Variants in EPHB1 observed in about 807,000 individuals in gnomAD.
EPHB1 encodes the protein ephrin type-B receptor 1.
EPHB1 carries 30 observed loss-of-function variants against 94.4 expected under a neutral mutation model. That is an observed-to-expected ratio of 0.32 (90% CI 0.24 to 0.43). The LOEUF (loss-of-function observed/expected upper bound fraction) is 0.43, where lower values mean the gene tolerates loss of function less well. Among genes scored for constraint, EPHB1 ranks in the 20% least tolerant of loss-of-function variants. The pLI, the probability that EPHB1 is intolerant of heterozygous loss-of-function variation, is 1.00. For missense variants in EPHB1, 1,055 were observed against 1,308.3 expected, an observed-to-expected ratio of 0.81 and a Z score of 2.99; for synonymous variants, 522 against 489.1, an observed-to-expected ratio of 1.07 and a Z score of -0.89.
intron 3 of EPHB1, among the ~76,000 whole-genome samples, chr3:135,068,884 G>A (rs542356086): frequency 2.0e-5 from 3 of 151,456 alleles, no homozygotes; most frequent in African/African-American, 4.8e-5. Flanking sequence ...TCCTGACCTC[G>A]TGATCTGCCC....
intron 3 of EPHB1, among the ~76,000 whole-genome samples, chr3:135,052,168 G>A (rs1937187556): frequency 6.6e-6 from 1 of 152,200 alleles, no homozygotes; most frequent in Admixed American, 6.6e-5. Flanking sequence ...GCCTTGGTCA[G>A]AGCAGATATC....
chr3:134,963,452 C>T (rs936325), intron 3 of EPHB1, among the ~76,000 whole-genome samples: 2 of 151,842 alleles, frequency 1.3e-5, no homozygotes, highest in African/African-American at 2.4e-5. Context: ...TGGTTATAAC[C>T]TGGGTATGGA....
intron 1 of EPHB1, among the ~76,000 whole-genome samples, chr3:134,817,547 T>G (rs574795325): frequency 5.9e-5 from 9 of 152,242 alleles, no homozygotes; most frequent in Non-Finnish European, 1.2e-4. Flanking sequence ...GAGGCTGCTA[T>G]TGGGAGTCAG....
chr3:134,924,350 A>C (rs1161178401), intron 1 of EPHB1, among the ~76,000 whole-genome samples: 1 of 152,252 alleles, frequency 6.6e-6, no homozygotes, highest in African/African-American at 2.4e-5. Flanking sequence ...ATATATCTGA[A>C]AAAGGAGTTG....
chr3:135,042,804 A>G lies in EPHB1; in HGVS notation c.806-63644A>G, dbSNP rs557229861. On this transcript the variant is annotated intron_variant, in intron 3 of 15. Coordinates refer to ENST00000398015, the MANE Select transcript of EPHB1 (RefSeq NM_004441.5). ...GAAAATTCTCGTGACTCATACTCTA[A>G]GACCTCTTCCTAAAACATGTATGTA... 1.6e-4 allele frequency among the ~76,000 whole-genome samples: 24 copies of G among 152,012 alleles called. No homozygotes were observed. The South Asian group carries it at 4.8e-3, about 31-fold the overall frequency.
At chr3:134,866,551 C>G (rs2037383127) in intron 1 of EPHB1, among the ~76,000 whole-genome samples, 1 of 152,318 alleles carries the variant, frequency 6.6e-6, no homozygotes, top group African/African-American at 2.4e-5. Context: ...TTGGCCACTG[C>G]TGGAGTGGGG....
intron 1 of EPHB1, among the ~76,000 whole-genome samples, chr3:134,811,242 G>GTTTTTTGTTTTTT (rs2036168986): frequency 1.4e-5 from 1 of 73,850 alleles, no homozygotes; most frequent in Non-Finnish European, 2.7e-5. Flanking sequence ...TACTAAGAAG[G>GTTTTTTGTTTTTT]TTTTTTTTTT....
chr3:135,139,094 A>G (rs1940722005), intron 5 of EPHB1, among the ~76,000 whole-genome samples: 1 of 152,234 alleles, frequency 6.6e-6, no homozygotes, highest in Non-Finnish European at 1.5e-5. Context: ...GCCTTGATAA[A>G]TATTTGCCAG....
intron 3 of EPHB1, among the ~76,000 whole-genome samples, chr3:135,090,632 T>C (rs760170432): frequency 2.6e-5 from 4 of 152,224 alleles, no homozygotes; most frequent in Non-Finnish European, 4.4e-5. Context: ...GATTCCTCCA[T>C]GACCTTGGAC....
intron 3 of EPHB1, among the ~76,000 whole-genome samples, chr3:135,082,143 T>C (rs1382218867): frequency 6.6e-6 from 1 of 152,028 alleles, no homozygotes; most frequent in Non-Finnish European, 1.5e-5. Flanking sequence ...TAGAAGAGAC[T>C]GGGGAAGCCA....
chr3:134,881,408 C>T (rs1313010998), intron 1 of EPHB1, among the ~76,000 whole-genome samples: 1 of 152,090 alleles, frequency 6.6e-6, no homozygotes, highest in African/African-American at 2.4e-5. Flanking sequence ...AGAAGCAGAG[C>T]AAAATGCAGA....
Position 134,855,385 on chromosome 3 carries a change from G to T in EPHB1, c.58+59696G>T, listed in dbSNP as rs115278336. Among the ~76,000 whole-genome samples the T allele has an allele frequency of 8.6e-3, 1,303 of 152,264 alleles. 11 individuals carry two copies. The highest frequency in any genetic ancestry group is 0.027 in the South Asian group (132 of 4,828). On this transcript the variant is annotated intron_variant, in intron 1 of 15. Transcript: ENST00000398015. The stretch of plus-strand genomic sequence containing the variant: ...TGCATGGGCTGCCTCTGGTCCTTGA[G>T]GGGGTTTCAGACACACTGGAGAGAA...
In EPHB1 at chr3:134,856,764, A is replaced by G. The variant is rs191648102; in HGVS notation, c.58+61075A>G. ...ATATCTTTAAGTGGTAACACTTTGG[A>G]CATACTGGAATAAGTAAACTAAATC... On this transcript the variant is annotated intron_variant, in intron 1 of 15. Transcript: ENST00000398015. Among the ~76,000 whole-genome samples the G allele has an allele frequency of 4.8e-4, 73 of 152,368 alleles. 1 individual carries two copies. The highest frequency in any genetic ancestry group is 8.5e-4 in the Non-Finnish European group (58 of 68,038).
intron 3 of EPHB1, among the ~76,000 whole-genome samples, chr3:135,012,812 A>G (rs921103909): frequency 2.6e-5 from 4 of 152,230 alleles, no homozygotes; most frequent in African/African-American, 9.6e-5. Flanking sequence ...TTCTCAGCTT[A>G]TTCTCTGCAA....
At chr3:134,804,071 A>ATTTTTTTTTTTTTTTTT (rs572201781) in intron 1 of EPHB1, among the ~76,000 whole-genome samples, 1 of 43,750 alleles carries the variant, frequency 2.3e-5, no homozygotes, top group African/African-American at 9.5e-5. Context: ...ATTATTGGCT[A>ATTTTTTTTTTTTTTTTT]TTTTTTTTTT....
chr3:135,082,617 G>A (rs537767317), intron 3 of EPHB1, among the ~76,000 whole-genome samples: 1 of 152,318 alleles, frequency 6.6e-6, no homozygotes, highest in South Asian at 2.1e-4. Flanking sequence ...TTCATGGATA[G>A]GGTGGAATGT....
intron 8 of EPHB1, among the ~76,000 whole-genome samples, chr3:135,166,492 G>A (rs1941656108): frequency 2.6e-5 from 4 of 152,190 alleles, no homozygotes. Context: ...GGAGGAAAGG[G>A]AAACTCTGAG....
At chr3:135,233,446 G>A (rs762978787) in intron 12 of EPHB1, among the ~76,000 whole-genome samples, 19 of 152,198 alleles carry the variant, frequency 1.2e-4, no homozygotes, top group Admixed American at 2.6e-4. Flanking sequence ...CACAGCCTTG[G>A]GCAAGTCTGC....
intron 1 of EPHB1, among the ~76,000 whole-genome samples, chr3:134,912,553 G>T (rs2038475990): frequency 6.6e-6 from 1 of 152,198 alleles, no homozygotes; most frequent in Admixed American, 6.5e-5. Flanking sequence ...TCTCTTTGCT[G>T]CTGGATTGGC....
Sources: gnomAD v4.1 joint callset for allele counts (sites outside exome capture counted in the v4.1 genomes callset) on GRCh38, gnomAD v4.1.1 for gene constraint, MANE v1.5 for transcripts, NCBI Gene and HGNC (gene_info 2026-07-23, HGNC 2026-07-21) for gene names.